ANAPC5: variants seen among roughly 807,000 people sequenced by gnomAD.
The protein encoded by ANAPC5 is anaphase promoting complex subunit 5, also known as anaphase-promoting complex subunit 5.
In ANAPC5, 60 loss-of-function variants were observed where a neutral mutation model predicts 91.3. The ratio of observed to expected loss-of-function variants is 0.66; its 90% CI spans 0.53 to 0.81. The LOEUF is 0.81. Ranked by LOEUF, ANAPC5 falls within the 40% of genes least tolerant of loss-of-function variation. The pLI is 0.00. For missense variants in ANAPC5, 690 were observed against 931.5 expected, an observed-to-expected ratio of 0.74 and a Z score of 3.37; for synonymous variants, 340 against 364.1, an observed-to-expected ratio of 0.93 and a Z score of 0.75.
chr12:121,323,152 G>A (rs1902686807), intron 11 of ANAPC5, among the ~76,000 whole-genome samples: 1 of 152,134 alleles, frequency 6.6e-6, no homozygotes, highest in Non-Finnish European at 1.5e-5. Context: ...CCAGAACTCT[G>A]TGCTTTTCTT....
intron 3 of ANAPC5, 72 bp from the exon 4 acceptor site, chr12:121,346,103 T>C (rs1261318023): frequency 2.5e-6 from 3 of 1,181,050 alleles, no homozygotes; most frequent in Non-Finnish European, 3.6e-6. Flanking sequence ...AACTCCACAA[T>C]GGCAATGACT....
Position 121,352,177 on chromosome 12 carries a change from A to T in ANAPC5, c.164T>A (p.Met55Lys), listed in dbSNP as rs75133175. The change falls in exon 1 of 17, where the codon ATG becomes AAG. Residue 55 changes from methionine (M) to lysine (K), a missense_variant. Around this residue, in one of 5 missense-constraint regions of ANAPC5, gnomAD observed 238 missense variants for 264.9 expected, o/e 0.90. Transcript: ENST00000261819. The part of the protein sequence containing the change: ...SRTGEGAVSL[M>K]ERRRLNQLLL... ...CAGCTGGTTGAGCCTCCGCCGCTCC[A>T]TGAGGCTGACGGCGCCCTCGCCTGT... The T allele has an allele frequency of 2.5e-6, 4 of 1,612,922 alleles. No homozygotes were observed. Among genetic ancestry groups the T allele is most frequent in the African/African-American group, 1.3e-5 (1 of 74,928 alleles).
At chr12:121,328,758 G>A (rs1902917198) in intron 9 of ANAPC5, 1 of 346,362 alleles carries the variant, frequency 2.9e-6, no homozygotes. Context: ...CTTAAACACT[G>A]CCTCTGCTAC....
At chr12:121,350,100 G>C (rs757303004) in intron 1 of ANAPC5, among the ~76,000 whole-genome samples, 27 of 152,150 alleles carry the variant, frequency 1.8e-4, no homozygotes, top group Non-Finnish European at 3.1e-4. Flanking sequence ...GGAGCCACAA[G>C]TTATAAAGAC....
intron 1 of ANAPC5, 27 bp downstream of exon 1, chr12:121,352,107 G>A (rs113276803): frequency 8.2e-6 from 13 of 1,581,574 alleles, no homozygotes; most frequent in East Asian, 6.8e-5. Flanking sequence ...TTTGCTGCAC[G>A]AGCAGGAGCC....
chr12:121,319,306 C>T (rs539802000), intron 13 of ANAPC5, among the ~76,000 whole-genome samples: 2 of 150,976 alleles, frequency 1.3e-5, no homozygotes, highest in African/African-American at 4.9e-5. Context: ...GATCTTGGCT[C>T]ACTGCAACCT....
At chr12:121,316,985 C>G (rs1276571899) in intron 15 of ANAPC5, among the ~76,000 whole-genome samples, 1 of 151,916 alleles carries the variant, frequency 6.6e-6, no homozygotes, top group Non-Finnish European at 1.5e-5. Context: ...AGAAGCCAAT[C>G]AAAAAAGGCC....
chr12:121,351,931 A>G (rs1903907146), intron 1 of ANAPC5, among the ~76,000 whole-genome samples: 1 of 152,150 alleles, frequency 6.6e-6, no homozygotes, highest in Admixed American at 6.5e-5. Context: ...TTGCAAAAAA[A>G]AAAAATGCAT....
chr12:121,335,700 G>A lies in ANAPC5; in HGVS notation c.783C>T (p.Asn261=), dbSNP rs782409424. The stretch of plus-strand genomic sequence containing the variant: ...AACTGAAAACATCTTGGACACGGAG[G>A]TTGTTTAAGTAGCTGAGATAATGCT... The part of the protein sequence containing the change: ...AEAHYLSYLN[N]LRVQDVFSST... Residue 261 remains asparagine, a synonymous_variant, in exon 7 of 17, where the codon AAC becomes AAT. Transcript: ENST00000261819. 8.1e-6 allele frequency: 13 copies of A among 1,606,126 alleles called. No homozygotes were observed. In the Admixed American group the frequency reaches 8.4e-5, roughly 10 times the overall value.
intron 3 of ANAPC5, 180 bp from the exon 4 acceptor site, chr12:121,346,211 G>A (rs1903662739): frequency 1.8e-6 from 1 of 548,554 alleles, no homozygotes; most frequent in African/African-American, 1.9e-5. Context: ...TTACAAAGCT[G>A]GTTTCTTCTT....
chr12:121,319,777 T>G lies in ANAPC5; in HGVS notation c.1557A>C (p.Ala519=). 6.2e-7 allele frequency: 1 copy of G among 1,612,672 alleles called. No individual in the cohort carries two copies. Among genetic ancestry groups the G allele is most frequent in the African/African-American group, 1.3e-5 (1 of 75,000 alleles). The part of the protein sequence containing the change: ...LCDQKIQFDR[A]MNDGKYHLAD... ...CCAAATGATATTTGCCATCATTCAT[T>G]GCTCTGTCAAACTGTATTTTTTGAT... The change falls in exon 13 of 17, where the codon GCA becomes GCC. Residue 519 remains alanine, a synonymous_variant. Transcript: ENST00000261819.
At chr12:121,335,833 A>G in intron 6 of ANAPC5, 110 bp from the exon 7 acceptor site, 4 of 849,504 alleles carry the variant, frequency 4.7e-6, no homozygotes, top group Non-Finnish European at 6.9e-6. Context: ...ATACCCTTCT[A>G]ATAAGATGGT....
rs1048994949 is a variant in ANAPC5, at chr12:121,323,712, C to T, written c.1441-3253G>A. On this transcript the variant is annotated intron_variant, in intron 11 of 16. Coordinates refer to ENST00000261819, the MANE Select transcript of ANAPC5 (RefSeq NM_016237.5). ...CATGAGGTAATGCACTTTTTGTCTACATAGACGCTCAGGCCACATGTGGAC... is the reference window on the plus strand; with the variant it reads ...CATGAGGTAATGCACTTTTTGTCTATATAGACGCTCAGGCCACATGTGGAC... Among the ~76,000 whole-genome samples the T allele has an allele frequency of 3.2e-4, 49 of 152,136 alleles. 1 individual carries two copies. The highest frequency in any genetic ancestry group is 2.7e-3 in the Admixed American group (41 of 15,266).
intron 11 of ANAPC5, among the ~76,000 whole-genome samples, chr12:121,322,747 G>C (rs1902667587): frequency 6.6e-6 from 1 of 152,130 alleles, no homozygotes; most frequent in African/African-American, 2.4e-5. Flanking sequence ...AGTAGGCTGG[G>C]TGCGGTAGCT....
In ANAPC5 at chr12:121,308,684, C is replaced by G. The variant is rs1478781203; in HGVS notation, c.2064G>C (p.Glu688Asp). 4 of 1,614,130 alleles carry G rather than the reference C, an allele frequency of 2.5e-6. No homozygotes were observed. The highest frequency in any genetic ancestry group is 1.7e-5 in the Admixed American group (1 of 60,016). ...YDQPKKAEAL[E>D]AAIENLNEAK... The stretch of plus-strand genomic sequence containing the variant: ...CTTCATTGAGGTTCTCGATGGCAGC[C>G]TCCAGAGCTGACGGAAAGGGGAAAA... Residue 688 changes from glutamate (E) to aspartate (D), a missense_variant, in exon 17 of 17, where the codon GAG (glutamate) becomes GAC (aspartate). Around this residue, in one of 5 missense-constraint regions of ANAPC5, gnomAD observed 317 missense variants for 438.7 expected, o/e 0.72. Transcript: ENST00000261819.
At chr12:121,346,282 T>C in intron 3 of ANAPC5, 1 of 392,924 alleles carries the variant, frequency 2.5e-6, no homozygotes, top group South Asian at 5.6e-5. Flanking sequence ...ACTTTCTTCA[T>C]GGCTGTTACA....
At chr12:121,312,838 C>G (rs1469343769) in intron 15 of ANAPC5, among the ~76,000 whole-genome samples, 1 of 151,212 alleles carries the variant, frequency 6.6e-6, no homozygotes, top group Non-Finnish European at 1.5e-5. Flanking sequence ...CAAGACTGTG[C>G]CACTGCACTC....
chr12:121,321,311 C>T (rs987769804), intron 11 of ANAPC5, among the ~76,000 whole-genome samples: 1 of 144,952 alleles, frequency 6.9e-6, no homozygotes, highest in Non-Finnish European at 1.5e-5. Context: ...AAAACACTTA[C>T]AAAATACATG....
At chr12:121,323,658 G>A (rs1037173095) in intron 11 of ANAPC5, among the ~76,000 whole-genome samples, 11 of 152,134 alleles carry the variant, frequency 7.2e-5, no homozygotes, top group South Asian at 2.1e-4. Context: ...TATTGATCCC[G>A]AAATACTTTC....
Sources: gnomAD v4.1 joint callset for allele counts (sites outside exome capture counted in the v4.1 genomes callset) on GRCh38, gnomAD v4.1.1 for gene constraint, gnomAD v4.1.1 regional missense constraint, MANE v1.5 for transcripts, NCBI Gene and HGNC (gene_info 2026-07-23, HGNC 2026-07-21) for gene names.